DGKG: variants seen among roughly 807,000 people sequenced by gnomAD.
DGKG encodes diacylglycerol kinase gamma.
In DGKG, 78 loss-of-function variants were observed where a neutral mutation model predicts 105.3. The observed-to-expected ratio is 0.74, with a 90% CI of 0.62 to 0.89. DGKG has a LOEUF of 0.89. DGKG is among the 40% of genes least tolerant of loss of function. DGKG has a pLI of 0.00. For missense variants in DGKG, 958 were observed against 1,020.1 expected (o/e 0.94, Z 0.83); for synonymous variants, 346 against 367.1 (o/e 0.94, Z 0.66).
chr3:186,342,600 G>C (rs950317246), intron 1 of DGKG, among the ~76,000 whole-genome samples: 1 of 148,370 alleles, frequency 6.7e-6, no homozygotes, highest in Non-Finnish European at 1.5e-5. Flanking sequence ...TTTTTCTCTC[G>C]GTCCCTCATT....
chr3:186,350,492 A>G (rs1726577490), intron 1 of DGKG, among the ~76,000 whole-genome samples: 1 of 152,248 alleles, frequency 6.6e-6, no homozygotes, highest in African/African-American at 2.4e-5. Context: ...GTCATCCATA[A>G]GGGAACATTT....
At chr3:186,186,217 G>T (rs921207283) in intron 22 of DGKG, among the ~76,000 whole-genome samples, 4 of 151,440 alleles carry the variant, frequency 2.6e-5, no homozygotes, top group African/African-American at 9.7e-5. Flanking sequence ...TTGTCAAATA[G>T]ACGGGTGTGA....
rs534540924 is a variant in DGKG at position 186,297,858 on chromosome 3, T to C, written c.310+206A>G. On this transcript the variant is annotated intron_variant, in intron 4 of 24. Coordinates refer to ENST00000265022, the MANE Select transcript of DGKG (RefSeq NM_001346.3). ...CTTTGATCCATAGTGGCAGGAATTATGCCTCCTGTTTATTCCTCTTGCTGA... is the reference window on the plus strand; with the variant it reads ...CTTTGATCCATAGTGGCAGGAATTACGCCTCCTGTTTATTCCTCTTGCTGA... Among the ~76,000 whole-genome samples, 73 of 152,354 alleles carry C rather than the reference T, an allele frequency of 4.8e-4. No homozygotes were observed. The South Asian group carries it at 0.015, about 30-fold the overall frequency.
intron 22 of DGKG, among the ~76,000 whole-genome samples, chr3:186,186,188 C>T (rs1465851349): frequency 6.6e-6 from 1 of 151,714 alleles, no homozygotes. Flanking sequence ...ATGACCTGGC[C>T]TGGAATATAA....
rs781553784 is a variant in DGKG, at chr3:186,211,899, CAG to C, written c.1827-16_1827-15del. The C allele has an allele frequency of 4.4e-6, 7 of 1,603,022 alleles. No homozygotes were observed. The highest frequency in any genetic ancestry group is 5.1e-6 in the Non-Finnish European group (6 of 1,170,034). ...TTGTTCTTCATCCTGGACCACAAAGCAGAGAGATGTCTCAATATTCCATACTT... is the reference window on the plus strand; with the variant it reads ...TTGTTCTTCATCCTGGACCACAAAGCAGAGATGTCTCAATATTCCATACTT... On this transcript the variant is annotated splice_polypyrimidine_tract_variant and intron_variant, in intron 20 of 24. Transcript: ENST00000265022.
chr3:186,338,783 A>G (rs1725951777), intron 1 of DGKG, among the ~76,000 whole-genome samples: 1 of 152,136 alleles, frequency 6.6e-6, no homozygotes, highest in Admixed American at 6.6e-5. Flanking sequence ...ATCTTTTCAA[A>G]GTTTACGTAC....
intron 1 of DGKG, among the ~76,000 whole-genome samples, chr3:186,349,339 C>T (rs1304771991): frequency 1.8e-4 from 27 of 152,130 alleles, no homozygotes. Flanking sequence ...AATTCATGCT[C>T]ATCTTTAGCT....
Position 186,244,806 on chromosome 3 carries a change from G to C in DGKG, c.1762-2238C>G, listed in dbSNP as rs535618572. 1.0e-3 allele frequency among the ~76,000 whole-genome samples: 158 copies of C among 152,022 alleles called. 1 individual carries two copies. The highest frequency in any genetic ancestry group is 3.5e-3 in the African/African-American group (146 of 41,352). Reference sequence around the variant, plus strand: ...ATGTGCGGACCCCAGAGAGGCCTCTGTCCCTGAGGCCTATCCAGCCTGCAC... The same window carrying C: ...ATGTGCGGACCCCAGAGAGGCCTCTCTCCCTGAGGCCTATCCAGCCTGCAC... On this transcript the variant is annotated intron_variant, in intron 19 of 24. Coordinates refer to ENST00000265022, the MANE Select transcript of DGKG (RefSeq NM_001346.3).
intron 24 of DGKG, chr3:186,158,253 T>G: frequency 4.1e-6 from 3 of 727,182 alleles, no homozygotes; most frequent in Non-Finnish European, 5.0e-6. Context: ...TTTAGTATTA[T>G]TCATTACATT....
intron 2 of DGKG, among the ~76,000 whole-genome samples, chr3:186,310,755 G>A (rs1224541686): frequency 6.6e-6 from 1 of 152,054 alleles, no homozygotes; most frequent in Non-Finnish European, 1.5e-5. Flanking sequence ...TTCCATTTCT[G>A]CCTGTAGAAA....
chr3:186,238,731 T>C (rs570012170), intron 20 of DGKG, among the ~76,000 whole-genome samples: 1 of 152,330 alleles, frequency 6.6e-6, no homozygotes, highest in South Asian at 2.1e-4. Context: ...TTAAAGGCCT[T>C]TTCTTTTTTG....
chr3:186,335,917 G>C (rs774424237), intron 1 of DGKG, among the ~76,000 whole-genome samples: 26 of 152,200 alleles, frequency 1.7e-4, no homozygotes, highest in Non-Finnish European at 1.5e-4. Context: ...CTTTTAGTAT[G>C]TACATCTAAA....
At chr3:186,225,555 C>T (rs756612171) in intron 20 of DGKG, among the ~76,000 whole-genome samples, 1 of 152,124 alleles carries the variant, frequency 6.6e-6, no homozygotes, top group Non-Finnish European at 1.5e-5. Flanking sequence ...ATTTTACATA[C>T]ACACCTGAAG....
At chr3:186,353,712 G>T (rs1726767585) in intron 1 of DGKG, among the ~76,000 whole-genome samples, 1 of 104,958 alleles carries the variant, frequency 9.5e-6, no homozygotes, top group African/African-American at 3.0e-5. Flanking sequence ...ATATAACAGT[G>T]GACTCTGTTC....
At chr3:186,219,231 C>T (rs1334410602) in intron 20 of DGKG, among the ~76,000 whole-genome samples, 1 of 151,986 alleles carries the variant, frequency 6.6e-6, no homozygotes, top group East Asian at 1.9e-4. Flanking sequence ...TATAAGGGGC[C>T]CCTGACTGTT....
chr3:186,269,885 A>C (rs1014596929), intron 11 of DGKG, among the ~76,000 whole-genome samples: 2 of 152,182 alleles, frequency 1.3e-5, no homozygotes, highest in African/African-American at 2.4e-5. Flanking sequence ...GTGCGGCTAA[A>C]GCAAGAGCAG....
chr3:186,330,243 G>C (rs1169577575), intron 1 of DGKG, among the ~76,000 whole-genome samples: 1 of 151,912 alleles, frequency 6.6e-6, no homozygotes, highest in Admixed American at 6.6e-5. Flanking sequence ...AGGCTATCAG[G>C]GTTATAAAGT....
At chr3:186,217,687 A>G (rs980944918) in intron 20 of DGKG, among the ~76,000 whole-genome samples, 4 of 152,204 alleles carry the variant, frequency 2.6e-5, no homozygotes, top group African/African-American at 9.6e-5. Flanking sequence ...GTTTTCAAGG[A>G]TGTCCACAGT....
rs554609211 is a variant in DGKG, at chr3:186,327,621, C to T, written c.-248-6914G>A. Reference sequence around the variant, plus strand: ...AGAGACAGTGTCTCACTATGTTGCCCAGGCTGATCTCGAACTCCTGGGCTC... The same window carrying T: ...AGAGACAGTGTCTCACTATGTTGCCTAGGCTGATCTCGAACTCCTGGGCTC... On this transcript the variant is annotated intron_variant, in intron 1 of 24. Coordinates refer to ENST00000265022, the MANE Select transcript of DGKG (RefSeq NM_001346.3). 3.4e-4 allele frequency among the ~76,000 whole-genome samples: 52 copies of T among 151,790 alleles called. 1 individual carries two copies. Among genetic ancestry groups the T allele is most frequent in the South Asian group, 2.3e-3 (11 of 4,796 alleles).
Sources: allele counts gnomAD v4.1 joint callset (sites outside exome capture counted in the v4.1 genomes callset), GRCh38; gene constraint gnomAD v4.1.1; transcripts MANE v1.5; gene names NCBI Gene and HGNC (gene_info 2026-07-23, HGNC 2026-07-21).